The following EYS variants were observed in gnomAD, a reference collection of about 807,000 sequenced individuals.
EYS encodes protein eyes shut homolog.
In EYS, 250 loss-of-function variants were observed where a neutral mutation model predicts 282.1. The observed-to-expected ratio is 0.89, with a 90% confidence interval of 0.80 to 0.98. The LOEUF (loss-of-function observed/expected upper bound fraction) is 0.98, where lower values mean the gene tolerates loss of function less well. Among genes scored for constraint, EYS ranks in the 50% least tolerant of loss-of-function variants. The pLI, the probability that EYS is intolerant of heterozygous loss-of-function variation, is 0.00. For missense variants in EYS, 4,016 were observed against 3,709.0 expected, an observed-to-expected ratio of 1.08 and a Z score of -2.15; for synonymous variants, 1,355 against 1,282.9, an observed-to-expected ratio of 1.06 and a Z score of -1.20.
chr6:64,331,594 C>T (rs997181903), intron 29 of EYS, among the ~76,000 whole-genome samples: 3 of 49,492 alleles, frequency 6.1e-5, no homozygotes, highest in Non-Finnish European at 9.0e-5. Flanking sequence ...CTTCCAATAG[C>T]CCCCCCGCCC....
intron 18 of EYS, among the ~76,000 whole-genome samples, chr6:64,898,088 T>A (rs1285736435): frequency 6.6e-6 from 1 of 151,950 alleles, no homozygotes; most frequent in Non-Finnish European, 1.5e-5. Flanking sequence ...ACATTCAAAT[T>A]CAGGAAATAC....
intron 13 of EYS, 65 bp downstream of exon 13, chr6:65,057,549 A>G: frequency 1.0e-6 from 1 of 962,414 alleles, no homozygotes; most frequent in Non-Finnish European, 1.6e-6. Flanking sequence ...GAGTTCAGAC[A>G]AGAGACAGAA....
At chr6:65,678,780 T>C (rs1562323945) in intron 1 of EYS, among the ~76,000 whole-genome samples, 1 of 148,102 alleles carries the variant, frequency 6.8e-6, no homozygotes, top group Non-Finnish European at 1.5e-5. Flanking sequence ...AATTATCCAA[T>C]TATAAATGGG....
At chr6:64,757,550 T>C (rs1048278817) in intron 22 of EYS, among the ~76,000 whole-genome samples, 4 of 152,116 alleles carry the variant, frequency 2.6e-5, no homozygotes, top group Non-Finnish European at 5.9e-5. Context: ...CACGTCTTAA[T>C]TTGTATCATT....
intron 22 of EYS, among the ~76,000 whole-genome samples, chr6:64,782,871 A>C (rs753752784): frequency 5.9e-5 from 9 of 152,238 alleles, no homozygotes; most frequent in Admixed American, 2.0e-4. Context: ...TTTACGATTC[A>C]AGTACATTAC....
intron 22 of EYS, among the ~76,000 whole-genome samples, chr6:64,773,521 T>C (rs1562183903): frequency 6.6e-6 from 1 of 151,920 alleles, no homozygotes; most frequent in East Asian, 1.9e-4. Context: ...CGAATGTTAA[T>C]TCTGTTTTAA....
chr6:65,595,625 G>A lies in EYS; in HGVS notation c.-333+44153C>T, dbSNP rs562962018. Among the ~76,000 whole-genome samples the A allele has an allele frequency of 3.4e-3, 498 of 147,392 alleles. 1 individual carries two copies. Among genetic ancestry groups the A allele is most frequent in the African/African-American group, 0.012 (470 of 39,596 alleles). ...ATGTAAAATACCTAGGACATAAAGCGTCAATAAAACAGCTCTTTTATCTCA... is the reference window on the plus strand; with the variant it reads ...ATGTAAAATACCTAGGACATAAAGCATCAATAAAACAGCTCTTTTATCTCA... On this transcript the variant is annotated intron_variant, in intron 2 of 42. Coordinates refer to ENST00000503581, the MANE Select transcript of EYS (RefSeq NM_001142800.2).
intron 30 of EYS, among the ~76,000 whole-genome samples, chr6:64,296,479 A>G (rs968884569): frequency 2.7e-5 from 4 of 150,196 alleles, no homozygotes; most frequent in Admixed American, 6.7e-5. Context: ...TAAAGGAAAT[A>G]AGGCAGAGTA....
chr6:65,333,643 T>C (rs976223034), intron 11 of EYS, among the ~76,000 whole-genome samples: 41 of 151,646 alleles, frequency 2.7e-4, no homozygotes. Flanking sequence ...TTAGAGCCTC[T>C]AATTGTTATT....
chr6:64,419,590 G>A (rs746945396), intron 28 of EYS, among the ~76,000 whole-genome samples: 69 of 152,202 alleles, frequency 4.5e-4, no homozygotes, highest in Admixed American at 1.1e-3. Flanking sequence ...TAAAGGGACT[G>A]GGTAAATACA....
At chr6:64,319,746 G>A (rs952141298) in intron 29 of EYS, among the ~76,000 whole-genome samples, 2 of 151,882 alleles carry the variant, frequency 1.3e-5, no homozygotes, top group Non-Finnish European at 2.9e-5. Context: ...TAGATAGACA[G>A]ACAGACAGGA....
intron 36 of EYS, among the ~76,000 whole-genome samples, chr6:63,862,255 C>A (rs1016948304): frequency 7.2e-5 from 11 of 151,880 alleles, no homozygotes; most frequent in African/African-American, 2.2e-4. Context: ...TTTTTATTTT[C>A]TTTTTATCTT....
intron 13 of EYS, among the ~76,000 whole-genome samples, chr6:65,039,843 T>G (rs1285072095): frequency 1.3e-5 from 2 of 151,632 alleles, no homozygotes; most frequent in Middle Eastern, 3.2e-3. Flanking sequence ...CATTGCTAGA[T>G]AGCAAAATGT....
At chr6:64,824,318 A>T (rs1276359692) in intron 19 of EYS, among the ~76,000 whole-genome samples, 2 of 152,094 alleles carry the variant, frequency 1.3e-5, no homozygotes, top group Admixed American at 6.6e-5. Context: ...CATATTTGTA[A>T]CAATAAAATT....
chr6:64,787,730 A>G (rs1169395790), intron 22 of EYS, among the ~76,000 whole-genome samples: 1 of 149,288 alleles, frequency 6.7e-6, no homozygotes, highest in East Asian at 1.9e-4. Context: ...ATAACATTTT[A>G]TAATATATAT....
At chr6:65,513,464 A>C (rs1766982467) in intron 2 of EYS, among the ~76,000 whole-genome samples, 1 of 152,184 alleles carries the variant, frequency 6.6e-6, no homozygotes, top group Non-Finnish European at 1.5e-5. Flanking sequence ...TCCTGATACC[A>C]AAGCTGGGCA....
chr6:65,414,908 C>G (rs973361790), intron 5 of EYS, among the ~76,000 whole-genome samples: 1 of 151,826 alleles, frequency 6.6e-6, no homozygotes, highest in Non-Finnish European at 1.5e-5. Context: ...GTTGTGCTAT[C>G]AATGTATAGA....
intron 12 of EYS, among the ~76,000 whole-genome samples, chr6:65,205,081 T>A (rs1233341733): frequency 6.9e-6 from 1 of 145,136 alleles, no homozygotes; most frequent in African/African-American, 2.5e-5. Context: ...AAGAATATAT[T>A]TATATATTCT....
chr6:64,337,938 G>T (rs576222216), intron 29 of EYS, among the ~76,000 whole-genome samples: 1 of 152,100 alleles, frequency 6.6e-6, no homozygotes, highest in South Asian at 2.1e-4. Flanking sequence ...ATTGCTTTAT[G>T]ATTAAAACTA....
Sources: allele counts gnomAD v4.1 joint callset (sites outside exome capture counted in the v4.1 genomes callset), GRCh38; gene constraint gnomAD v4.1.1; transcripts MANE v1.5; gene names NCBI Gene and HGNC (gene_info 2026-07-23, HGNC 2026-07-21).